ZNF600: variants seen among roughly 807,000 people sequenced by gnomAD.
ZNF600 encodes the protein zinc finger protein 600.
Under a neutral mutation model 7.3 loss-of-function variants are expected in ZNF600, and 4 were observed. The ratio of observed to expected loss-of-function variants is 0.55; its 90% CI spans 0.27 to 1.25. ZNF600 has a LOEUF of 1.25. Among genes scored for constraint, ZNF600 ranks in the 50% most tolerant of loss-of-function variants. The pLI, the probability that ZNF600 is intolerant of heterozygous loss-of-function variation, is 0.12. For synonymous variants in ZNF600, 290 were observed against 308.9 expected (o/e 0.94, Z 0.64); for missense variants, 911 against 922.1 (o/e 0.99, Z 0.16).
chr19:52,818,617 G>A, the ZNF600 span, among the ~76,000 whole-genome samples: 1 of 152,166 alleles, frequency 6.6e-6, no homozygotes, highest in Non-Finnish European at 1.5e-5. Flanking sequence ...GGCTGAGGTA[G>A]AATTGCTTGA....
the ZNF600 span, chr19:52,801,034 A>C: frequency 2.8e-5 from 45 of 1,614,140 alleles, no homozygotes; most frequent in South Asian, 7.7e-5. Context: ...TTACACTTGT[A>C]AGGTTTCTCA....
the ZNF600 span, among the ~76,000 whole-genome samples, chr19:52,826,097 G>A: frequency 6.6e-6 from 1 of 152,188 alleles, no homozygotes; most frequent in South Asian, 2.1e-4. Context: ...GGAACTGGTG[G>A]AAGGCTGGAC....
the ZNF600 span, among the ~76,000 whole-genome samples, chr19:52,813,220 C>T: frequency 2.1e-5 from 2 of 95,398 alleles, no homozygotes; most frequent in Admixed American, 3.1e-4. Flanking sequence ...AAAACCTTGG[C>T]ATTTATGAAG....
chr19:52,775,601 G>C (rs111940101), intron 2 of ZNF600, among the ~76,000 whole-genome samples: 1 of 150,272 alleles, frequency 6.7e-6, no homozygotes. Flanking sequence ...AGACATGTCA[G>C]ATATTATGTT....
At chr19:52,822,662 C>T in the ZNF600 span, among the ~76,000 whole-genome samples, 1 of 152,146 alleles carries the variant, frequency 6.6e-6, no homozygotes, top group Admixed American at 6.6e-5. Context: ...GCCTTGGTCG[C>T]ACATAGTTCA....
the ZNF600 span, among the ~76,000 whole-genome samples, chr19:52,832,711 A>G: frequency 1.3e-5 from 2 of 152,112 alleles, 1 homozygote; most frequent in Non-Finnish European, 2.9e-5. Flanking sequence ...GGCTGCTGTA[A>G]ACTCTAAATT....
the ZNF600 span, among the ~76,000 whole-genome samples, chr19:52,806,756 G>A: frequency 1.3e-5 from 2 of 152,024 alleles, no homozygotes; most frequent in Admixed American, 6.6e-5. Context: ...ACAAAAATTA[G>A]CTGGGCATGG....
exon 4 of ZNF600, chr19:52,766,290 G>C: frequency 6.2e-7 from 1 of 1,613,942 alleles, no homozygotes; most frequent in African/African-American, 1.3e-5. Context: ...ATGAATTCTA[G>C]TATGTTTTGC....
the ZNF600 span, among the ~76,000 whole-genome samples, chr19:52,811,036 C>A: frequency 1.3e-5 from 2 of 148,506 alleles, no homozygotes; most frequent in African/African-American, 4.9e-5. Flanking sequence ...ATTGCAGGCA[C>A]GCGCCGCCAC....
the ZNF600 span, chr19:52,798,420 T>C: frequency 6.4e-4 from 266 of 418,578 alleles, 1 homozygote; most frequent in African/African-American, 5.1e-3. Context: ...TGGCTTGCTA[T>C]ACTAATGGCA....
chr19:52,810,859 C>T, the ZNF600 span, among the ~76,000 whole-genome samples: 2 of 914 alleles, frequency 2.2e-3, no homozygotes, highest in Non-Finnish European at 4.0e-3. Flanking sequence ...CTCTCCCTCT[C>T]CCCCTCCCCC....
In ZNF600 at chr19:52,766,505, A is replaced by AT; in HGVS notation, c.1457dup (p.Asn486LysfsTer2). On this transcript the variant is annotated frameshift_variant, in exon 4 of 4. Transcript: ENST00000648973. LOFTEE classifies it low-confidence loss of function (END_TRUNC). ...TTTGACCAAAGGTCTTCCCACATTC[A>AT]TTACACTTGTAAGGTTTTCCTCCAC... The AT allele has an allele frequency of 6.2e-7, 1 of 1,614,104 alleles. No individual in the cohort carries two copies. Among genetic ancestry groups the AT allele is most frequent in the Non-Finnish European group, 8.5e-7 (1 of 1,180,024 alleles).
chr19:52,772,803 G>A (rs923785845), intron 3 of ZNF600, among the ~76,000 whole-genome samples: 9 of 152,122 alleles, frequency 5.9e-5, no homozygotes, highest in African/African-American at 1.9e-4. Context: ...GGCAGGACAG[G>A]AAATGACCAG....
At chr19:52,811,450 C>T in the ZNF600 span, among the ~76,000 whole-genome samples, 621 of 145,556 alleles carry the variant, frequency 4.3e-3, 1 homozygote, top group African/African-American at 0.015. Flanking sequence ...AAGCGAGGAG[C>T]GCCTCTTCCC....
At chr19:52,785,194 T>C (rs760522825) in intron 1 of ZNF600, among the ~76,000 whole-genome samples, 1 of 151,964 alleles carries the variant, frequency 6.6e-6, no homozygotes, top group Non-Finnish European at 1.5e-5. Context: ...TTCTTCCCTC[T>C]ATTACTTCTC....
At chr19:52,820,502 C>T in the ZNF600 span, among the ~76,000 whole-genome samples, 1 of 152,062 alleles carries the variant, frequency 6.6e-6, no homozygotes, top group Non-Finnish European at 1.5e-5. Context: ...CCCCTCTCTG[C>T]TCTCCCTGTT....
intron 2 of ZNF600, among the ~76,000 whole-genome samples, chr19:52,777,222 C>CA (rs1417795994): frequency 7.3e-5 from 11 of 151,500 alleles, no homozygotes; most frequent in South Asian, 6.2e-4. Context: ...ACTAAAAATA[C>CA]AAAAAATTAA....
chr19:52,817,443 A>G, the ZNF600 span, among the ~76,000 whole-genome samples: 1 of 152,198 alleles, frequency 6.6e-6, no homozygotes, highest in Non-Finnish European at 1.5e-5. Context: ...CATTCTAATT[A>G]GTAAGATTTT....
chr19:52,821,857 C>G, the ZNF600 span, among the ~76,000 whole-genome samples: 1 of 151,452 alleles, frequency 6.6e-6, no homozygotes, highest in East Asian at 1.9e-4. Flanking sequence ...GGGCCGAGAT[C>G]GAGCCACTGC....
Sources: allele counts gnomAD v4.1 joint callset (sites outside exome capture counted in the v4.1 genomes callset), GRCh38; gene constraint gnomAD v4.1.1; transcripts MANE v1.5; gene names NCBI Gene and HGNC (gene_info 2026-07-23, HGNC 2026-07-21).